Variants in PAPOLA observed in about 807,000 individuals in gnomAD.
The protein encoded by PAPOLA is polynucleotide adenylyltransferase alpha.
A neutral mutation model predicts 100.6 loss-of-function variants in PAPOLA; 15 were observed. The observed-to-expected ratio is 0.15, with a 90% confidence interval of 0.10 to 0.23. PAPOLA has a LOEUF of 0.23. Among genes scored for constraint, PAPOLA ranks in the 10% least tolerant of loss-of-function variants. The pLI, the probability that PAPOLA is intolerant of heterozygous loss-of-function variation, is 1.00. For missense variants in PAPOLA, 533 were observed against 884.2 expected (o/e 0.60, Z 5.04); for synonymous variants, 293 against 300.0 (o/e 0.98, Z 0.24).
At chr14:96,515,090 T>A (rs151039053) in intron 1 of PAPOLA, among the ~76,000 whole-genome samples, 3 of 152,200 alleles carry the variant, frequency 2.0e-5, no homozygotes, top group Non-Finnish European at 4.4e-5. Flanking sequence ...AGGAAAGGAG[T>A]TGGGACCAAG....
At chr14:96,555,628 G>A (rs1411003578) in intron 17 of PAPOLA, among the ~76,000 whole-genome samples, 2 of 152,108 alleles carry the variant, frequency 1.3e-5, no homozygotes, top group Non-Finnish European at 2.9e-5. Context: ...ATCTCAGGAA[G>A]TAACATTAGA....
At chr14:96,512,618 A>C (rs550728493) in intron 1 of PAPOLA, among the ~76,000 whole-genome samples, 1 of 152,352 alleles carries the variant, frequency 6.6e-6, no homozygotes, top group Non-Finnish European at 1.5e-5. Flanking sequence ...AGTAGATGGC[A>C]GCTATGATCG....
intron 1 of PAPOLA, among the ~76,000 whole-genome samples, chr14:96,503,696 G>A (rs1329873681): frequency 6.6e-6 from 1 of 152,076 alleles, no homozygotes; most frequent in East Asian, 1.9e-4. Context: ...TTAAATTCAG[G>A]ATAAAGATTT....
chr14:96,524,117 AG>A (rs1898254607), intron 3 of PAPOLA, among the ~76,000 whole-genome samples: 1 of 151,874 alleles, frequency 6.6e-6, no homozygotes, highest in Admixed American at 6.6e-5. Context: ...TTTGAGAGGA[AG>A]GGGGGTGGTC....
chr14:96,535,707 C>A (rs1035598906), intron 10 of PAPOLA, 172 bp from the exon 11 acceptor site: 27 of 811,944 alleles, frequency 3.3e-5, no homozygotes, highest in Non-Finnish European at 4.3e-5. Context: ...ATCTTTGATT[C>A]TATAAAAAAT....
In PAPOLA at chr14:96,539,161, ATACT is replaced by A. The variant is rs372831794; in HGVS notation, c.1115+2107_1115+2110del. 4.9e-3 allele frequency among the ~76,000 whole-genome samples: 748 copies of A among 152,248 alleles called. 9 individuals carry two copies. Among genetic ancestry groups the A allele is most frequent in the African/African-American group, 0.017 (718 of 41,584 alleles). On this transcript the variant is annotated intron_variant, in intron 12 of 21. Transcript: ENST00000216277. Reference sequence around the variant, plus strand: ...AAATCATTAACATTAGGAAATGTGAATACTTACTTCAGTTGTTAGATTTCACTAG... The same window carrying A: ...AAATCATTAACATTAGGAAATGTGAATACTTCAGTTGTTAGATTTCACTAG...
Position 96,560,678 on chromosome 14 carries a change from T to C in PAPOLA, c.2034T>C (p.Leu678=), listed in dbSNP as rs1411363823. The change falls in exon 20 of 22, where the codon CTT becomes CTC. Residue 678 remains leucine (L), a synonymous_variant. Coordinates refer to ENST00000216277, the MANE Select transcript of PAPOLA (RefSeq NM_032632.5). ...EDETSEDANC[L]ALSGHDKTEA... ...AAACAAGTGAAGATGCTAACTGTCT[T>C]GCTTTGAGTGGACATGATAAAACAG... The C allele has an allele frequency of 1.2e-6, 2 of 1,608,948 alleles. No individual in the cohort carries two copies. Among genetic ancestry groups the C allele is most frequent in the Non-Finnish European group, 1.7e-6 (2 of 1,176,170 alleles).
intron 1 of PAPOLA, among the ~76,000 whole-genome samples, chr14:96,507,280 G>GTTTTTTTTTTTGT (rs1896783724): frequency 1.2e-5 from 1 of 80,720 alleles, no homozygotes; most frequent in Non-Finnish European, 2.1e-5. Context: ...TTGGAAAATA[G>GTTTTTTTTTTTGT]TTTTTTTTTT....
chr14:96,555,818 G>T, intron 17 of PAPOLA, 29 bp from the exon 18 acceptor site: 7 of 1,161,424 alleles, frequency 6.0e-6, no homozygotes, highest in Admixed American at 2.3e-5. Flanking sequence ...TTTAAATTTT[G>T]AGACAATTTT....
intron 3 of PAPOLA, among the ~76,000 whole-genome samples, chr14:96,524,622 G>T (rs1898304544): frequency 6.6e-6 from 1 of 152,042 alleles, no homozygotes; most frequent in African/African-American, 2.4e-5. Flanking sequence ...TAGGACTCAA[G>T]CAATCCTCCC....
chr14:96,533,752 A>G (rs887798174), intron 9 of PAPOLA: 3 of 375,304 alleles, frequency 8.0e-6, no homozygotes, highest in Non-Finnish European at 1.1e-5. Flanking sequence ...ACGAGGTTTC[A>G]CTGTGTTAGC....
chr14:96,511,670 A>G (rs1340574012), intron 1 of PAPOLA, among the ~76,000 whole-genome samples: 2 of 152,206 alleles, frequency 1.3e-5, no homozygotes, highest in African/African-American at 2.4e-5. Context: ...AACAGAGACT[A>G]CCTTAAGCAT....
intron 15 of PAPOLA, among the ~76,000 whole-genome samples, chr14:96,547,053 C>T (rs990752039): frequency 6.6e-6 from 1 of 152,124 alleles, no homozygotes; most frequent in Non-Finnish European, 1.5e-5. Context: ...TACTTATCAT[C>T]ATCTGACACG....
intron 5 of PAPOLA, 32 bp downstream of exon 5, chr14:96,527,571 G>C: frequency 2.7e-6 from 3 of 1,095,682 alleles, no homozygotes; most frequent in Non-Finnish European, 1.4e-6. Context: ...AATGGGATGA[G>C]TTATGAACAT....
At chr14:96,556,674 A>T (rs1393679685) in intron 19 of PAPOLA, among the ~76,000 whole-genome samples, 1 of 152,230 alleles carries the variant, frequency 6.6e-6, no homozygotes, top group Admixed American at 6.5e-5. Context: ...TATTGTCTAC[A>T]ACAGAATTTA....
Position 96,519,694 on chromosome 14 carries a change from T to TA in PAPOLA, c.9-360dup, listed in dbSNP as rs542741964. 5.9e-5 allele frequency among the ~76,000 whole-genome samples: 9 copies of TA among 152,372 alleles called. No individual in the cohort carries two copies. The South Asian group carries it at 1.9e-3, about 32-fold the overall frequency. On this transcript the variant is annotated intron_variant, in intron 1 of 21. Coordinates refer to ENST00000216277, the MANE Select transcript of PAPOLA (RefSeq NM_032632.5). ...CAGGTTTCATTTGGGGAATGTCTTA[T>TA]ATTGGTAAAGTAGCATTTCTGTAGC...
chr14:96,554,429 A>C (rs1901116286), intron 17 of PAPOLA, among the ~76,000 whole-genome samples: 1 of 152,244 alleles, frequency 6.6e-6, no homozygotes, highest in African/African-American at 2.4e-5. Context: ...TCTGTTGACT[A>C]CATTTACATT....
At chr14:96,537,734 C>G (rs1408241375) in intron 12 of PAPOLA, 1 of 151,934 alleles carries the variant, frequency 6.6e-6, no homozygotes, top group Non-Finnish European at 1.5e-5. Flanking sequence ...CACAGACTTG[C>G]ACTTTTATTT....
chr14:96,532,085 T>C (rs1899066873), intron 7 of PAPOLA: 2 of 1,294,468 alleles, frequency 1.5e-6, no homozygotes, highest in East Asian at 3.3e-5. Context: ...CAGGTTACAG[T>C]TTACTTTGGT....
Sources: allele counts gnomAD v4.1 joint callset (sites outside exome capture counted in the v4.1 genomes callset), GRCh38; gene constraint gnomAD v4.1.1; transcripts MANE v1.5; gene names NCBI Gene and HGNC (gene_info 2026-07-23, HGNC 2026-07-21).